Variants in DOCK10 observed in about 807,000 individuals in gnomAD.
The protein encoded by DOCK10 is dedicator of cytokinesis protein 10.
Under a neutral mutation model 280.1 loss-of-function variants are expected in DOCK10, and 145 were observed. The observed-to-expected ratio is 0.52, with a 90% CI of 0.45 to 0.59. The LOEUF (loss-of-function observed/expected upper bound fraction) is 0.59, where lower values mean the gene tolerates loss of function less well. Among genes scored for constraint, DOCK10 ranks in the 20% least tolerant of loss-of-function variants. The probability of loss-of-function intolerance (pLI) is 0.00; values close to 1 mark genes in which losing one functional copy is unlikely to be tolerated. For missense variants in DOCK10, 2,368 were observed against 2,651.7 expected (o/e 0.89, Z 2.35); for synonymous variants, 915 against 942.2 (o/e 0.97, Z 0.53).
chr2:224,806,427 T>G (rs1693400012), intron 33 of DOCK10, among the ~76,000 whole-genome samples, 190 bp from the exon 34 acceptor site: 1 of 152,198 alleles, frequency 6.6e-6, no homozygotes, highest in Non-Finnish European at 1.5e-5. Flanking sequence ...AGTTATAATT[T>G]GATTTATGTG....
intron 1 of DOCK10, among the ~76,000 whole-genome samples, chr2:224,940,794 C>T (rs778982241): frequency 5.9e-5 from 9 of 152,142 alleles, no homozygotes; most frequent in Non-Finnish European, 1.2e-4. Context: ...GTAGGAGGTG[C>T]CTGGTTGTGT....
At chr2:224,996,737 T>C (rs1706282454) in intron 1 of DOCK10, among the ~76,000 whole-genome samples, 1 of 152,168 alleles carries the variant, frequency 6.6e-6, no homozygotes, top group African/African-American at 2.4e-5. Flanking sequence ...AGAGGTCCCA[T>C]AGTGAAGAAG....
At chr2:224,898,549 A>C (rs10184426) in intron 3 of DOCK10, among the ~76,000 whole-genome samples, 26,810 of 152,218 alleles carry the variant, frequency 0.18, 3,906 homozygotes, top group African/African-American at 0.41. Context: ...CCAATTCTGC[A>C]AAGCACGTGT....
chr2:225,002,892 G>A (rs1006852707), intron 1 of DOCK10, among the ~76,000 whole-genome samples: 2 of 152,244 alleles, frequency 1.3e-5, no homozygotes, highest in Non-Finnish European at 1.5e-5. Flanking sequence ...AATGTTGTTG[G>A]TCGCTCAACA....
At chr2:225,001,289 C>CT (rs141808105) in intron 1 of DOCK10, among the ~76,000 whole-genome samples, 2,991 of 128,194 alleles carry the variant, frequency 0.023, 90 homozygotes, top group African/African-American at 0.038. Flanking sequence ...TACAACAGAC[C>CT]TTTTTTTTTT....
chr2:224,926,613 C>T (rs1470535096), intron 2 of DOCK10, among the ~76,000 whole-genome samples: 3 of 152,120 alleles, frequency 2.0e-5, no homozygotes, highest in South Asian at 2.1e-4. Context: ...AAGGAATGGG[C>T]CTCTTTAAAA....
intron 4 of DOCK10, among the ~76,000 whole-genome samples, chr2:224,893,049 T>C (rs1699792278): frequency 6.6e-6 from 1 of 152,200 alleles, no homozygotes; most frequent in Non-Finnish European, 1.5e-5. Context: ...CCCTTTGGTG[T>C]TTGCATCCGA....
chr2:224,779,721 T>A (rs1465398714), intron 50 of DOCK10, among the ~76,000 whole-genome samples: 1 of 152,244 alleles, frequency 6.6e-6, no homozygotes, highest in Non-Finnish European at 1.5e-5. Context: ...ATCTGTATGA[T>A]GCTTTATACT....
intron 3 of DOCK10, among the ~76,000 whole-genome samples, chr2:224,902,424 G>A (rs1027627220): frequency 6.6e-6 from 1 of 152,134 alleles, no homozygotes; most frequent in Non-Finnish European, 1.5e-5. Flanking sequence ...AAACGATGGT[G>A]GCAATTTTAG....
At chr2:225,033,193 T>TA (rs1000359892) in intron 1 of DOCK10, among the ~76,000 whole-genome samples, 1 of 135,956 alleles carries the variant, frequency 7.4e-6, no homozygotes, top group Non-Finnish European at 1.5e-5. Context: ...GTACTATTAT[T>TA]TTTTTTTTTG....
chr2:225,008,440 A>T (rs1186349809), intron 1 of DOCK10, among the ~76,000 whole-genome samples: 1 of 152,234 alleles, frequency 6.6e-6, no homozygotes. Flanking sequence ...TTTTAAGAAG[A>T]TACACAAAAA....
intron 2 of DOCK10, among the ~76,000 whole-genome samples, chr2:224,926,977 A>G (rs564686386): frequency 1.3e-5 from 2 of 152,238 alleles, no homozygotes; most frequent in Non-Finnish European, 2.9e-5. Context: ...CAAGTGACAG[A>G]GGAGTGAAAA....
intron 15 of DOCK10, 30 bp downstream of exon 15, chr2:224,856,821 CTGATTTATG>C: frequency 6.5e-7 from 1 of 1,536,384 alleles, no homozygotes; most frequent in Non-Finnish European, 8.8e-7. Context: ...ATCAACATGG[CTGATTTATG>C]TTAATTTCGA....
intron 1 of DOCK10, among the ~76,000 whole-genome samples, chr2:224,991,445 T>G (rs1301234954): frequency 6.6e-6 from 1 of 152,228 alleles, no homozygotes; most frequent in African/African-American, 2.4e-5. Context: ...GTGGTATCAT[T>G]CTTTCACCAT....
At chr2:224,831,439 G>C (rs1229089493) in intron 26 of DOCK10, among the ~76,000 whole-genome samples, 1 of 152,222 alleles carries the variant, frequency 6.6e-6, no homozygotes, top group Non-Finnish European at 1.5e-5. Context: ...TGAGGTCCTG[G>C]GGGGCACAGG....
At chr2:224,768,351 C>G (rs1281089254) in intron 55 of DOCK10, among the ~76,000 whole-genome samples, 1 of 152,112 alleles carries the variant, frequency 6.6e-6, no homozygotes, top group Non-Finnish European at 1.5e-5. Flanking sequence ...TGACAAATCC[C>G]CATTGAAGTT....
At chr2:224,860,512 G>T (rs1241914620) in intron 14 of DOCK10, 1 of 151,910 alleles carries the variant, frequency 6.6e-6, no homozygotes, top group Non-Finnish European at 1.5e-5. Context: ...GATAAAGTCA[G>T]GTTATAAGTA....
At chr2:224,961,468 T>TTCTTTCTTTCTTTCTTTTTC (rs10672849) in intron 1 of DOCK10, among the ~76,000 whole-genome samples, 8 of 66,618 alleles carry the variant, frequency 1.2e-4, no homozygotes, top group African/African-American at 5.0e-4. Context: ...CTTTCTTTCT[T>TTCTTTCTTTCTTTCTTTTTC]TTTCTTTCTT....
intron 3 of DOCK10, among the ~76,000 whole-genome samples, chr2:224,905,738 T>C (rs1033133682): frequency 6.6e-6 from 1 of 152,202 alleles, no homozygotes; most frequent in Non-Finnish European, 1.5e-5. Flanking sequence ...CTCTCGCTAT[T>C]GACCCTTCTT....
Sources: allele counts gnomAD v4.1 joint callset (sites outside exome capture counted in the v4.1 genomes callset), GRCh38; gene constraint gnomAD v4.1.1; transcripts MANE v1.5; gene names NCBI Gene and HGNC (gene_info 2026-07-23, HGNC 2026-07-21).